Variants in DCC observed in about 807,000 individuals in gnomAD.
DCC encodes the protein netrin receptor DCC.
DCC carries 58 observed loss-of-function variants against 172.5 expected under a neutral mutation model. That is an observed-to-expected ratio of 0.34 (90% confidence interval 0.27 to 0.42). DCC has a LOEUF of 0.42. Ranked by LOEUF, DCC falls within the 10% of genes least tolerant of loss-of-function variation. The pLI is 1.00. For missense variants in DCC, 1,740 were observed against 1,791.0 expected (o/e 0.97, Z 0.51); for synonymous variants, 709 against 644.5 (o/e 1.10, Z -1.52).
At chr18:52,401,336 C>A (rs1308097742) in intron 1 of DCC, among the ~76,000 whole-genome samples, 1 of 151,972 alleles carries the variant, frequency 6.6e-6, no homozygotes, top group Non-Finnish European at 1.5e-5. Context: ...TCCATCTCTA[C>A]TGAGCATTTA....
chr18:52,889,124 A>C, intron 2 of DCC, among the ~76,000 whole-genome samples: 1 of 152,072 alleles, frequency 6.6e-6, no homozygotes, highest in East Asian at 1.9e-4. Flanking sequence ...AGATGTGGAG[A>C]ACCTCTAATA....
intron 5 of DCC, among the ~76,000 whole-genome samples, chr18:53,037,924 G>A (rs2042118285): frequency 6.6e-6 from 1 of 151,900 alleles, no homozygotes; most frequent in South Asian, 2.1e-4. Flanking sequence ...GGAAATGAAG[G>A]TTAACAGAAG....
At chr18:53,527,573 A>AAT (rs2046473480) in intron 28 of DCC, among the ~76,000 whole-genome samples, 1 of 152,056 alleles carries the variant, frequency 6.6e-6, no homozygotes, top group African/African-American at 2.4e-5. Flanking sequence ...CGTAATTAAA[A>AAT]AATAAGAAGG....
At chr18:53,499,638 CTCA>C (rs1308528397) in intron 27 of DCC, 128 bp downstream of exon 27, 4 of 825,376 alleles carry the variant, frequency 4.8e-6, no homozygotes, top group Non-Finnish European at 6.2e-6. Context: ...GCCCAGTGTG[CTCA>C]TTTTTGTTAC....
chr18:52,535,694 TA>T (rs2032269079), intron 1 of DCC, among the ~76,000 whole-genome samples: 1 of 152,180 alleles, frequency 6.6e-6, no homozygotes, highest in Admixed American at 6.5e-5. Context: ...AAACAATATT[TA>T]AAAATACAAA....
chr18:52,681,210 C>T (rs1053916977), intron 1 of DCC, among the ~76,000 whole-genome samples: 5 of 152,158 alleles, frequency 3.3e-5, no homozygotes, highest in South Asian at 2.1e-4. Context: ...AGTTAGTGGG[C>T]GGCAGAACTG....
At chr18:53,426,574 C>G (rs551678397) in intron 21 of DCC, among the ~76,000 whole-genome samples, 1 of 151,184 alleles carries the variant, frequency 6.6e-6, no homozygotes, top group Non-Finnish European at 1.5e-5. Context: ...CATGCCACCT[C>G]CTCTGAGAAA....
chr18:52,924,443 CAT>C (rs1490373146), intron 4 of DCC, among the ~76,000 whole-genome samples: 4 of 152,000 alleles, frequency 2.6e-5, no homozygotes, highest in Non-Finnish European at 5.9e-5. Flanking sequence ...CTATATCGCT[CAT>C]ATTCCCAGCT....
chr18:53,044,420 G>T (rs1356295511), intron 5 of DCC, among the ~76,000 whole-genome samples: 1 of 145,394 alleles, frequency 6.9e-6, no homozygotes, highest in Non-Finnish European at 1.5e-5. Context: ...GGAAGCTTGA[G>T]TTCTAGTATT....
At chr18:53,276,754 T>A (rs2056810573) in intron 12 of DCC, among the ~76,000 whole-genome samples, 1 of 152,024 alleles carries the variant, frequency 6.6e-6, no homozygotes, top group Non-Finnish European at 1.5e-5. Context: ...AAATTGACAG[T>A]GGGATTACAT....
chr18:53,146,200 G>A (rs1193591012), intron 7 of DCC, among the ~76,000 whole-genome samples: 2 of 152,006 alleles, frequency 1.3e-5, no homozygotes, highest in Non-Finnish European at 2.9e-5. Context: ...TAGCCTGGGT[G>A]ACAGAACAAG....
chr18:52,390,097 A>G (rs1318072342), intron 1 of DCC, among the ~76,000 whole-genome samples: 2 of 152,022 alleles, frequency 1.3e-5, no homozygotes, highest in Non-Finnish European at 2.9e-5. Flanking sequence ...TTTCCCCGCC[A>G]CAAACAGAAG....
intron 1 of DCC, among the ~76,000 whole-genome samples, chr18:52,608,285 C>A (rs189308803): frequency 9.9e-5 from 15 of 152,270 alleles, no homozygotes; most frequent in African/African-American, 3.1e-4. Context: ...GATAAATACA[C>A]AACAGACCTT....
At chr18:52,566,233 G>A (rs1210388257) in intron 1 of DCC, among the ~76,000 whole-genome samples, 1 of 152,068 alleles carries the variant, frequency 6.6e-6, no homozygotes, top group Non-Finnish European at 1.5e-5. Context: ...GATGAAACTG[G>A]AAACCATAAT....
At chr18:52,403,948 T>A (rs960876264) in intron 1 of DCC, among the ~76,000 whole-genome samples, 3 of 152,058 alleles carry the variant, frequency 2.0e-5, no homozygotes, top group African/African-American at 7.2e-5. Context: ...GCTTTAGTCA[T>A]GGGCAATTAG....
chr18:53,273,840 G>A (rs559061529), intron 12 of DCC, among the ~76,000 whole-genome samples: 4 of 151,696 alleles, frequency 2.6e-5, no homozygotes, highest in South Asian at 2.1e-4. Flanking sequence ...TTGAGCCCGC[G>A]CATCACACAT....
intron 22 of DCC, among the ~76,000 whole-genome samples, chr18:53,450,180 TACAC>T (rs144259404): frequency 9.3e-5 from 14 of 150,018 alleles, no homozygotes; most frequent in Admixed American, 2.0e-4. Flanking sequence ...CATACATACA[TACAC>T]ACACACACAC....
chr18:52,948,028 G>C (rs1211486705), intron 5 of DCC, among the ~76,000 whole-genome samples: 2 of 152,068 alleles, frequency 1.3e-5, no homozygotes, highest in Non-Finnish European at 2.9e-5. Context: ...ACAAAACACA[G>C]AAAGATGTAT....
chr18:52,978,109 T>C (rs2041152504), intron 5 of DCC, among the ~76,000 whole-genome samples: 1 of 152,016 alleles, frequency 6.6e-6, no homozygotes. Context: ...GAGGCGCTTG[T>C]ATATCACTCT....
Sources: allele counts gnomAD v4.1 joint callset (sites outside exome capture counted in the v4.1 genomes callset), GRCh38; gene constraint gnomAD v4.1.1; transcripts MANE v1.5; gene names NCBI Gene and HGNC (gene_info 2026-07-23, HGNC 2026-07-21).